Variants in MTMR12 observed in about 807,000 individuals in gnomAD.
The protein encoded by MTMR12 is myotubularin-related protein 12.
MTMR12 carries 33 observed loss-of-function variants against 96.7 expected under a neutral mutation model. The ratio of observed to expected loss-of-function variants is 0.34; its 90% CI spans 0.26 to 0.46. The LOEUF is 0.46. MTMR12 is among the 20% of genes least tolerant of loss of function. The pLI is 1.00. For synonymous variants in MTMR12, 298 were observed against 327.2 expected, an observed-to-expected ratio of 0.91 and a Z score of 0.96; for missense variants, 721 against 896.1, an observed-to-expected ratio of 0.80 and a Z score of 2.49.
rs1747868073 is a variant in MTMR12, at chr5:32,228,655, T to TATATGTGATA, written c.*1122_*1123insTATCACATAT. ...CACATATATATCATATATATATCAT[T>TATATGTGATA]TAGACAGCAGATCCAAGAAGGTGAC... is the stretch of plus-strand genomic sequence containing the variant. On this transcript the variant is annotated 3_prime_UTR_variant, in exon 16 of 16. Transcript: ENST00000382142. The TATATGTGATA allele has an allele frequency of 7.2e-6, 1 of 139,856 alleles. No individual in the cohort carries two copies. The highest frequency in any genetic ancestry group is 7.3e-5 in the Admixed American group (1 of 13,644). 8.7% of individuals were successfully genotyped at this position (139,856 alleles called of 1,614,324 possible). A position where few individuals can be genotyped will look rare whatever the true frequency, so the allele number is the denominator to read the frequency against.
Position 32,269,905 on chromosome 5 carries a change from T to C in MTMR12, c.489+912A>G, listed in dbSNP as rs539320672. Among the ~76,000 whole-genome samples, 16 of 152,360 alleles carry C rather than the reference T, an allele frequency of 1.1e-4. No homozygotes were observed. The South Asian group carries it at 2.7e-3, about 26-fold the overall frequency. ...TAAGTGACTAAAACCATTGTTCAAA[T>C]TGAAGTTTCTGCCTTCTCAGGAAAT... is the stretch of plus-strand genomic sequence containing the variant. On this transcript the variant is annotated intron_variant, in intron 5 of 15. Transcript: ENST00000382142.
At chr5:32,276,298 C>T (rs1458133773) in intron 2 of MTMR12, among the ~76,000 whole-genome samples, 2 of 152,256 alleles carry the variant, frequency 1.3e-5, no homozygotes, top group Non-Finnish European at 2.9e-5. Flanking sequence ...GGTAAAGCCA[C>T]CCACCAATGG....
rs1747908488 is a variant in MTMR12 at position 32,229,662 on chromosome 5, T to C, written c.*116A>G. On this transcript the variant is annotated 3_prime_UTR_variant, in exon 16 of 16. Transcript: ENST00000382142. ...TCTTTTCCCGAAGGCCCAGGTTTAT[T>C]CTAACGGAGTGCCGGGCTAAGGACC... is the stretch of plus-strand genomic sequence containing the variant. 1.7e-5 allele frequency: 17 copies of C among 983,900 alleles called. No individual in the cohort carries two copies. The East Asian group carries it at 4.5e-4, about 26-fold the overall frequency. The allele number at this position is 983,900 out of a possible 1,614,324, so 60.9% of individuals were successfully genotyped here. A position where few individuals can be genotyped will look rare whatever the true frequency, so the allele number is the denominator to read the frequency against.
chr5:32,302,446 C>T (rs7702633), intron 1 of MTMR12, among the ~76,000 whole-genome samples: 2,359 of 152,192 alleles, frequency 0.016, 65 homozygotes, highest in African/African-American at 0.053. Flanking sequence ...GGGCTGGGTA[C>T]GGTGGCTCAC....
chr5:32,284,953 C>A (rs1410861517), intron 1 of MTMR12, among the ~76,000 whole-genome samples: 2 of 152,140 alleles, frequency 1.3e-5, no homozygotes, highest in Non-Finnish European at 2.9e-5. Context: ...TGAATTTGAA[C>A]AAAGCTTGCC....
chr5:32,259,745 G>A (rs546088941), intron 7 of MTMR12, among the ~76,000 whole-genome samples: 36 of 152,244 alleles, frequency 2.4e-4, no homozygotes, highest in African/African-American at 8.7e-4. Flanking sequence ...CAACTTAAGT[G>A]GTACCTGGGG....
chr5:32,233,223 T>G lies in MTMR12; in HGVS notation c.1674+550A>C, dbSNP rs191083232. ...CCTACTAAGGCTCCTTTTTTTTTTTTCAAGTAAAGGAATAAAGAATGGCTA... is the reference window on the plus strand; with the variant it reads ...CCTACTAAGGCTCCTTTTTTTTTTTGCAAGTAAAGGAATAAAGAATGGCTA... On this transcript the variant is annotated intron_variant, in intron 15 of 15. Transcript: ENST00000382142. The surrounding 1 kb of genome is among the most constrained non-coding windows in gnomAD (Gnocchi z 5.0). Among the ~76,000 whole-genome samples the G allele has an allele frequency of 4.5e-4, 68 of 151,972 alleles. 1 individual carries two copies. In the East Asian group the frequency reaches 0.013, roughly 28 times the overall value.
intron 3 of MTMR12, among the ~76,000 whole-genome samples, chr5:32,273,588 C>A (rs899016757): frequency 1.3e-5 from 2 of 152,144 alleles, no homozygotes; most frequent in Non-Finnish European, 2.9e-5. Context: ...AAAGTTGACA[C>A]ATGAGGTCAA....
At chr5:32,281,467 T>C (rs1750291845) in intron 1 of MTMR12, among the ~76,000 whole-genome samples, 3 of 152,074 alleles carry the variant, frequency 2.0e-5, no homozygotes, top group Admixed American at 2.0e-4. Flanking sequence ...GTAAAGGAAA[T>C]AGCATTTTTC....
intron 6 of MTMR12, among the ~76,000 whole-genome samples, chr5:32,267,330 C>G (rs184983018): frequency 1.4e-5 from 2 of 146,058 alleles, no homozygotes; most frequent in African/African-American, 2.6e-5. Context: ...GAGCCAAGAT[C>G]GTGCCACTGC....
At chr5:32,277,423 G>C (rs577074072) in intron 1 of MTMR12, among the ~76,000 whole-genome samples, 6 of 152,152 alleles carry the variant, frequency 3.9e-5, no homozygotes, top group Admixed American at 6.5e-5. Context: ...AGATGGCCCA[G>C]CGTGGTGGCT....
At chr5:32,253,411 C>A (rs1749018963) in intron 8 of MTMR12, among the ~76,000 whole-genome samples, 1 of 151,994 alleles carries the variant, frequency 6.6e-6, no homozygotes, top group Non-Finnish European at 1.5e-5. Context: ...TTCTGGTGAT[C>A]TAAATGTTCC....
intron 8 of MTMR12, among the ~76,000 whole-genome samples, chr5:32,249,844 A>G (rs563553850): frequency 2.4e-4 from 36 of 152,342 alleles, no homozygotes; most frequent in African/African-American, 8.7e-4. Flanking sequence ...GAAGAAAGAC[A>G]GACTGGTTGG....
intron 1 of MTMR12, among the ~76,000 whole-genome samples, chr5:32,286,782 G>A (rs561671510): frequency 1.0e-3 from 156 of 152,250 alleles, no homozygotes; most frequent in African/African-American, 3.5e-3. Context: ...TTTATCTGAC[G>A]AGGGTTGTAC....
At chr5:32,308,281 C>T (rs1751433595) in intron 1 of MTMR12, among the ~76,000 whole-genome samples, 1 of 151,918 alleles carries the variant, frequency 6.6e-6, no homozygotes, top group South Asian at 2.1e-4. Context: ...AAGTTCATGC[C>T]ACTGCACTCC....
At chr5:32,247,672 C>T in intron 10 of MTMR12, 1 of 887,196 alleles carries the variant, frequency 1.1e-6, no homozygotes, top group Non-Finnish European at 1.4e-6. Flanking sequence ...TACTGCAAGT[C>T]AACAAATATA....
chr5:32,275,264 C>T (rs777748949), intron 2 of MTMR12, among the ~76,000 whole-genome samples: 1 of 152,096 alleles, frequency 6.6e-6, no homozygotes, highest in Non-Finnish European at 1.5e-5. Context: ...CTAGGTCAGC[C>T]TCTCAAGAGA....
intron 1 of MTMR12, among the ~76,000 whole-genome samples, chr5:32,283,735 G>C (rs534452727): frequency 6.6e-6 from 1 of 152,328 alleles, no homozygotes; most frequent in Non-Finnish European, 1.5e-5. Flanking sequence ...GAGAGTTATA[G>C]AGAGGCCAAG....
chr5:32,296,538 G>C, intron 1 of MTMR12: 2 of 315,670 alleles, frequency 6.3e-6, no homozygotes, highest in South Asian at 4.8e-5. Context: ...TTTACACTTT[G>C]CCTGTAATCC....
Sources: gnomAD v4.1 joint callset for allele counts (sites outside exome capture counted in the v4.1 genomes callset) on GRCh38, gnomAD v4.1.1 for gene constraint, Gnocchi (gnomAD v3.1) non-coding constraint, MANE v1.5 for transcripts, NCBI Gene and HGNC (gene_info 2026-07-23, HGNC 2026-07-21) for gene names.